TXNL1: variants seen among roughly 807,000 people sequenced by gnomAD.
TXNL1 encodes thioredoxin-like protein 1.
In TXNL1, 14 loss-of-function variants were observed where a neutral mutation model predicts 35.5. The observed-to-expected ratio is 0.39, with a 90% CI of 0.26 to 0.62. The LOEUF (loss-of-function observed/expected upper bound fraction) is 0.62. Among genes scored for constraint, TXNL1 ranks in the 20% least tolerant of loss-of-function variants. TXNL1 has a pLI of 0.47. For synonymous variants in TXNL1, 110 were observed against 115.5 expected, an observed-to-expected ratio of 0.95 and a Z score of 0.31; for missense variants, 263 against 349.7, an observed-to-expected ratio of 0.75 and a Z score of 1.98.
At chr18:56,619,565 A>G (rs925300202) in intron 3 of TXNL1, among the ~76,000 whole-genome samples, 2 of 146,158 alleles carry the variant, frequency 1.4e-5, no homozygotes, top group African/African-American at 5.0e-5. Context: ...AAAAAATTGT[A>G]TTTGGTTAAT....
intron 3 of TXNL1, among the ~76,000 whole-genome samples, chr18:56,619,978 A>ATTT (rs2024154621): frequency 6.6e-6 from 1 of 151,954 alleles, no homozygotes; most frequent in South Asian, 2.1e-4. Context: ...TATTATTATT[A>ATTT]TTATTTTTTT....
chr18:56,620,784 T>C (rs1178670954), intron 3 of TXNL1, among the ~76,000 whole-genome samples: 2 of 152,240 alleles, frequency 1.3e-5, no homozygotes, highest in Admixed American at 6.5e-5. Flanking sequence ...GAAGAAAACT[T>C]TGTATGTCAA....
chr18:56,625,988 C>G (rs1198434195), intron 2 of TXNL1, among the ~76,000 whole-genome samples: 1 of 152,152 alleles, frequency 6.6e-6, no homozygotes, highest in East Asian at 1.9e-4. Context: ...ACAAACTGAT[C>G]AATTCAAACT....
At chr18:56,619,049 A>C (rs904714186) in intron 3 of TXNL1, among the ~76,000 whole-genome samples, 2 of 151,740 alleles carry the variant, frequency 1.3e-5, no homozygotes, top group Non-Finnish European at 2.9e-5. Context: ...GTCTCTAAAA[A>C]ACTTAAAAAA....
chr18:56,633,751 C>T (rs963513740), intron 1 of TXNL1, among the ~76,000 whole-genome samples: 3 of 151,494 alleles, frequency 2.0e-5, no homozygotes, highest in African/African-American at 4.8e-5. Flanking sequence ...TTTGAGAGGC[C>T]GAGGCGGGCA....
intron 3 of TXNL1, among the ~76,000 whole-genome samples, chr18:56,621,762 G>A (rs562546220): frequency 6.6e-6 from 1 of 152,030 alleles, no homozygotes; most frequent in Non-Finnish European, 1.5e-5. Context: ...CACTTTGGGA[G>A]GCTGAGACAG....
intron 5 of TXNL1, among the ~76,000 whole-genome samples, chr18:56,615,390 G>GA (rs5825192): frequency 0.93 from 113,494 of 121,602 alleles, 53,109 homozygotes; most frequent in Non-Finnish European, 0.99. Flanking sequence ...CCAATCAATC[G>GA]AAAAAAAAAA....
chr18:56,609,858 C>T (rs2023962699), intron 7 of TXNL1: 2 of 152,186 alleles, frequency 1.3e-5, no homozygotes, highest in Admixed American at 1.3e-4. Context: ...TTCCTGCAGT[C>T]CCCAAAAGGT....
At chr18:56,612,606 G>T (rs904567679) in intron 6 of TXNL1, among the ~76,000 whole-genome samples, 2 of 151,962 alleles carry the variant, frequency 1.3e-5, no homozygotes, top group Non-Finnish European at 2.9e-5. Flanking sequence ...ACTCTTTAGT[G>T]CAAGTGATGC....
chr18:56,617,504 AGT>A (rs2024109133), intron 4 of TXNL1, among the ~76,000 whole-genome samples: 1 of 152,262 alleles, frequency 6.6e-6, no homozygotes, highest in East Asian at 1.9e-4. Flanking sequence ...AACTGAGAAA[AGT>A]AACAGCCAAA....
chr18:56,605,974 C>A (rs1346275807), intron 7 of TXNL1, among the ~76,000 whole-genome samples: 1 of 152,218 alleles, frequency 6.6e-6, no homozygotes, highest in African/African-American at 2.4e-5. Flanking sequence ...AACATTTGAT[C>A]TACTTTATTA....
At chr18:56,622,161 A>G (rs1310369090) in intron 3 of TXNL1, among the ~76,000 whole-genome samples, 3 of 152,154 alleles carry the variant, frequency 2.0e-5, no homozygotes, top group Non-Finnish European at 4.4e-5. Flanking sequence ...CACTAGTCAT[A>G]TAACAAAATG....
chr18:56,620,982 A>C (rs566365591), intron 3 of TXNL1, among the ~76,000 whole-genome samples: 4 of 152,334 alleles, frequency 2.6e-5, no homozygotes, highest in Admixed American at 1.3e-4. Flanking sequence ...AATTATTCGG[A>C]GCATTATGAA....
In TXNL1 at chr18:56,607,276, C is replaced by CCAAG. The variant is rs1439084904; in HGVS notation, c.840+3713_840+3716dup. On this transcript the variant is annotated intron_variant, in intron 7 of 7. Coordinates refer to ENST00000217515, the MANE Select transcript of TXNL1 (RefSeq NM_004786.3). ...CAAGTGATCTTCCCACCTCAGCCTC[C>CCAAG]CAAGTAGCTGGGACTACAGGTGCAC... 4.0e-5 allele frequency among the ~76,000 whole-genome samples: 6 copies of CCAAG among 151,822 alleles called. No homozygotes were observed. The East Asian group carries it at 1.2e-3, about 29-fold the overall frequency.
At chr18:56,636,607 G>A (rs920051720) in intron 1 of TXNL1, among the ~76,000 whole-genome samples, 1 of 152,060 alleles carries the variant, frequency 6.6e-6, no homozygotes, top group Non-Finnish European at 1.5e-5. Context: ...CTTTTTAAAT[G>A]TAACAGTTCC....
At chr18:56,637,647 G>A (rs2024477637) in intron 1 of TXNL1, among the ~76,000 whole-genome samples, 1 of 152,146 alleles carries the variant, frequency 6.6e-6, no homozygotes, top group Non-Finnish European at 1.5e-5. Flanking sequence ...ACAGAGCCGG[G>A]TCAAACTAAG....
chr18:56,618,098 G>A lies in TXNL1; in HGVS notation c.398C>T (p.Ala133Val), dbSNP rs765262600. ...YMDLMPFINK[A>V]GCECLNESDE... ...ACTTTCATTAAGACATTCACAACCA[G>A]CTTTGTTAATAAAAGGCATTAAATC... The change falls in exon 4 of 8, where the codon GCT (alanine) becomes GTT (valine). Residue 133 changes from alanine (A) to valine (V), a missense_variant. Ala to Val is a moderately conservative substitution (Grantham distance 64, BLOSUM62 0). Coordinates refer to ENST00000217515, the MANE Select transcript of TXNL1 (RefSeq NM_004786.3). The A allele has an allele frequency of 2.5e-6, 4 of 1,613,688 alleles. No homozygotes were observed. In the East Asian group the frequency reaches 8.9e-5, roughly 36 times the overall value.
chr18:56,625,230 A>T (rs2024256959), intron 2 of TXNL1, among the ~76,000 whole-genome samples: 1 of 152,126 alleles, frequency 6.6e-6, no homozygotes, highest in South Asian at 2.1e-4. Flanking sequence ...AAAAACTATG[A>T]CCTTTCAGGA....
chr18:56,606,675 T>A (rs184577370), intron 7 of TXNL1, among the ~76,000 whole-genome samples: 1 of 152,226 alleles, frequency 6.6e-6, no homozygotes, highest in Non-Finnish European at 1.5e-5. Flanking sequence ...GCTGGTAACG[T>A]CTGAGAATAC....
Sources: allele counts gnomAD v4.1 joint callset (sites outside exome capture counted in the v4.1 genomes callset), GRCh38; gene constraint gnomAD v4.1.1; transcripts MANE v1.5; gene names NCBI Gene and HGNC (gene_info 2026-07-23, HGNC 2026-07-21).